The following TRIM33 variants were observed in gnomAD, a reference collection of about 807,000 sequenced individuals.
TRIM33 encodes tripartite motif containing 33.
Under a neutral mutation model 125.4 loss-of-function variants are expected in TRIM33, and 20 were observed. The observed-to-expected ratio is 0.16, with a 90% CI of 0.11 to 0.23. The LOEUF (loss-of-function observed/expected upper bound fraction) is 0.23, where lower values mean the gene tolerates loss of function less well. TRIM33 is among the 10% of genes least tolerant of loss of function. The pLI, the probability that TRIM33 is intolerant of heterozygous loss-of-function variation, is 1.00. For missense variants in TRIM33, 920 were observed against 1,411.4 expected, an observed-to-expected ratio of 0.65 and a Z score of 5.58; for synonymous variants, 564 against 513.9, an observed-to-expected ratio of 1.10 and a Z score of -1.32.
chr1:114,453,946 C>G lies in TRIM33; in HGVS notation c.923+9158G>C, dbSNP rs950730302. Among the ~76,000 whole-genome samples the G allele has an allele frequency of 1.5e-4, 23 of 152,230 alleles. 1 individual carries two copies. The highest frequency in any genetic ancestry group is 2.6e-4 in the Non-Finnish European group (18 of 68,042). On this transcript the variant is annotated intron_variant, in intron 4 of 19. Coordinates refer to ENST00000358465, the MANE Select transcript of TRIM33 (RefSeq NM_015906.4). ...TTCACATTTGGAACTCTCCTGGACTCTGCCCTGTGCATCTTTCCCTTGGAT... is the reference window on the plus strand; with the variant it reads ...TTCACATTTGGAACTCTCCTGGACTGTGCCCTGTGCATCTTTCCCTTGGAT...
intron 1 of TRIM33, chr1:114,468,479 A>G: frequency 2.7e-6 from 1 of 369,946 alleles, no homozygotes; most frequent in Non-Finnish European, 5.3e-6. Context: ...AAGAATTGGA[A>G]GCTGATGAAG....
At chr1:114,464,410 T>A (rs753076508) in intron 1 of TRIM33, 22 bp from the exon 2 acceptor site, 1 of 1,336,892 alleles carries the variant, frequency 7.5e-7, no homozygotes, top group South Asian at 1.3e-5. Flanking sequence ...AATAACAACA[T>A]TTTAAAATAT....
At chr1:114,470,410 T>C (rs1650567085) in intron 1 of TRIM33, among the ~76,000 whole-genome samples, 1 of 152,202 alleles carries the variant, frequency 6.6e-6, no homozygotes, top group Admixed American at 6.5e-5. Flanking sequence ...ATGTTACTAC[T>C]GTAATTGTTT....
intron 4 of TRIM33, among the ~76,000 whole-genome samples, chr1:114,436,812 G>A (rs775480835): frequency 1.3e-5 from 2 of 152,078 alleles, no homozygotes; most frequent in Non-Finnish European, 2.9e-5. Context: ...CCCGAAGTTT[G>A]TTCCTTCGTG....
At chr1:114,402,364 A>C (rs1572007621) in intron 16 of TRIM33, among the ~76,000 whole-genome samples, 1 of 152,222 alleles carries the variant, frequency 6.6e-6, no homozygotes, top group Non-Finnish European at 1.5e-5. Context: ...GATGTAAGGT[A>C]AGAAAATCAT....
chr1:114,394,223 A>T lies in TRIM33; in HGVS notation c.*3425T>A. 1 of 229,540 alleles carries T rather than the reference A, an allele frequency of 4.4e-6. No individual in the cohort carries two copies. The highest frequency in any genetic ancestry group is 8.7e-6 in the Non-Finnish European group (1 of 115,438). The allele number at this position is 229,540 out of a possible 1,614,324, so 14.2% of individuals were successfully genotyped here. A position where few individuals can be genotyped will look rare whatever the true frequency, so the allele number is the denominator to read the frequency against. On this transcript the variant is annotated 3_prime_UTR_variant, in exon 20 of 20. Coordinates refer to ENST00000358465, the MANE Select transcript of TRIM33 (RefSeq NM_015906.4). Reference sequence around the variant, plus strand: ...CTGAGTATGCAAATAAGCAGTGCTGATTTTGACAAGAAATGAGATTTTTAT... The same window carrying T: ...CTGAGTATGCAAATAAGCAGTGCTGTTTTTGACAAGAAATGAGATTTTTAT...
chr1:114,485,875 T>C (rs1271200665), intron 1 of TRIM33, among the ~76,000 whole-genome samples: 1 of 152,192 alleles, frequency 6.6e-6, no homozygotes, highest in Non-Finnish European at 1.5e-5. Context: ...AGGAAAATCA[T>C]AACTGACAAA....
intron 1 of TRIM33, among the ~76,000 whole-genome samples, chr1:114,472,574 A>G (rs1328657329): frequency 6.6e-6 from 1 of 152,132 alleles, no homozygotes; most frequent in Non-Finnish European, 1.5e-5. Context: ...CTCTACAAAA[A>G]TAAAAATTAG....
chr1:114,499,974 C>T (rs1022053301), intron 1 of TRIM33, among the ~76,000 whole-genome samples: 2 of 152,146 alleles, frequency 1.3e-5, no homozygotes, highest in Admixed American at 1.3e-4. Flanking sequence ...CAAGACCAGC[C>T]TGGCCAACAT....
At chr1:114,419,616 C>T (rs1220199898) in intron 11 of TRIM33, among the ~76,000 whole-genome samples, 1 of 151,752 alleles carries the variant, frequency 6.6e-6, no homozygotes, top group African/African-American at 2.4e-5. Flanking sequence ...ACTACCATTC[C>T]CTCAGCCAAA....
At chr1:114,505,737 T>G (rs1652965013) in intron 1 of TRIM33, among the ~76,000 whole-genome samples, 2 of 151,948 alleles carry the variant, frequency 1.3e-5, no homozygotes, top group South Asian at 2.1e-4. Flanking sequence ...CTGGCAAATT[T>G]TTGTATTTTT....
intron 4 of TRIM33, 37 bp from the exon 5 acceptor site, chr1:114,433,770 AT>A: frequency 7.9e-7 from 1 of 1,260,328 alleles, no homozygotes; most frequent in Non-Finnish European, 1.1e-6. Context: ...AAAACAAAAC[AT>A]TTATGATTAA....
chr1:114,466,034 C>CTT (rs1302400042), intron 1 of TRIM33, among the ~76,000 whole-genome samples: 2 of 148,542 alleles, frequency 1.3e-5, no homozygotes, highest in Non-Finnish European at 3.0e-5. Flanking sequence ...CAGAGAGACT[C>CTT]GGTCTCAAAA....
intron 18 of TRIM33, among the ~76,000 whole-genome samples, chr1:114,399,045 A>G (rs540395629): frequency 6.6e-6 from 1 of 152,040 alleles, no homozygotes; most frequent in Admixed American, 6.6e-5. Flanking sequence ...AAGATGGGTC[A>G]CCAGAGATTA....
At chr1:114,483,169 C>T (rs1296359502) in intron 1 of TRIM33, among the ~76,000 whole-genome samples, 4 of 151,854 alleles carry the variant, frequency 2.6e-5, no homozygotes, top group African/African-American at 2.4e-5. Flanking sequence ...TAGCTAGGTG[C>T]GATGGTGCAC....
rs1167186780 is a variant in TRIM33 at position 114,397,631 on chromosome 1, T to C, written c.*17A>G. Reference sequence around the variant, plus strand: ...CGTTTTTTTTTTTTTAAACAATTGATTTAAATCCATGTCATTTTACTTTAT... The same window carrying C: ...CGTTTTTTTTTTTTTAAACAATTGACTTAAATCCATGTCATTTTACTTTAT... On this transcript the variant is annotated 3_prime_UTR_variant, in exon 20 of 20. Coordinates refer to ENST00000358465, the MANE Select transcript of TRIM33 (RefSeq NM_015906.4). 2.2e-6 allele frequency: 3 copies of C among 1,358,224 alleles called. No homozygotes were observed. Among genetic ancestry groups the C allele is most frequent in the Non-Finnish European group, 3.1e-6 (3 of 955,468 alleles). 84.1% of individuals were successfully genotyped at this position (1,358,224 alleles called of 1,614,324 possible). A position where few individuals can be genotyped will look rare whatever the true frequency, so the allele number is the denominator to read the frequency against.
intron 11 of TRIM33, among the ~76,000 whole-genome samples, chr1:114,411,622 A>G (rs954424821): frequency 1.3e-5 from 2 of 152,212 alleles, no homozygotes; most frequent in Non-Finnish European, 2.9e-5. Flanking sequence ...ATCCCATGTT[A>G]CCTATTTCCA....
At chr1:114,444,231 GTAGA>G (rs1292741478) in intron 4 of TRIM33, among the ~76,000 whole-genome samples, 7 of 152,162 alleles carry the variant, frequency 4.6e-5, no homozygotes, top group Non-Finnish European at 8.8e-5. Context: ...GGAACAGAGG[GTAGA>G]TAGAGGGAAG....
At chr1:114,473,757 A>G (rs7521944) in intron 1 of TRIM33, among the ~76,000 whole-genome samples, 370 of 152,312 alleles carry the variant, frequency 2.4e-3, no homozygotes, top group African/African-American at 8.4e-3. Context: ...ATGAACAACA[A>G]TAAATACATG....
Sources: allele counts gnomAD v4.1 joint callset (sites outside exome capture counted in the v4.1 genomes callset), GRCh38; gene constraint gnomAD v4.1.1; transcripts MANE v1.5; gene names NCBI Gene and HGNC (gene_info 2026-07-23, HGNC 2026-07-21).